Variants in SLC5A4 observed in about 807,000 individuals in gnomAD.
SLC5A4 encodes solute carrier family 5 member 4, also known as probable glucose sensor protein SLC5A4.
In SLC5A4, 55 loss-of-function variants were observed where a neutral mutation model predicts 70.3. The ratio of observed to expected loss-of-function variants is 0.78; its 90% CI spans 0.63 to 0.98. The LOEUF (loss-of-function observed/expected upper bound fraction) is 0.98. SLC5A4 is among the 50% of genes least tolerant of loss of function. The pLI is 0.00. For synonymous variants in SLC5A4, 268 were observed against 305.7 expected, an observed-to-expected ratio of 0.88 and a Z score of 1.29; for missense variants, 735 against 839.2, an observed-to-expected ratio of 0.88 and a Z score of 1.53.
the SLC5A4 span, among the ~76,000 whole-genome samples, chr22:32,290,800 C>T: frequency 6.6e-6 from 1 of 152,094 alleles, no homozygotes; most frequent in Admixed American, 6.5e-5. Flanking sequence ...GGCAAAAAGG[C>T]CCAGAAAGTC....
the SLC5A4 span, among the ~76,000 whole-genome samples, chr22:32,265,798 C>A: frequency 3.3e-5 from 5 of 152,174 alleles, no homozygotes; most frequent in East Asian, 7.7e-4. Flanking sequence ...CGAGATCATG[C>A]CACTGCACTC....
upstream of SLC5A4, among the ~76,000 whole-genome samples, chr22:32,257,433 C>A (rs1927543412): frequency 1.3e-5 from 2 of 152,126 alleles, no homozygotes; most frequent in African/African-American, 4.8e-5. Context: ...TGGCTCAGTG[C>A]AGCCTCAACC....
the SLC5A4 span, among the ~76,000 whole-genome samples, chr22:32,308,327 C>A: frequency 6.7e-6 from 1 of 148,606 alleles, no homozygotes; most frequent in Non-Finnish European, 1.5e-5. Context: ...GAATGGCAGT[C>A]TCTGATAGAC....
the SLC5A4 span, among the ~76,000 whole-genome samples, chr22:32,345,903 T>C: frequency 6.6e-6 from 1 of 152,224 alleles, no homozygotes; most frequent in Admixed American, 6.5e-5. Context: ...TTTAAAGCAA[T>C]CACAATCATC....
At chr22:32,229,131 C>G (rs1277052356) in intron 11 of SLC5A4, 63 bp downstream of exon 11, 1 of 1,470,042 alleles carries the variant, frequency 6.8e-7, no homozygotes, top group Non-Finnish European at 9.3e-7. Flanking sequence ...CAAGGGAACT[C>G]TAGTTCACTT....
the SLC5A4 span, among the ~76,000 whole-genome samples, chr22:32,309,760 C>A: frequency 6.6e-6 from 1 of 152,254 alleles, no homozygotes; most frequent in Admixed American, 6.5e-5. Flanking sequence ...CCTGGCACCC[C>A]ACCTCACACA....
the SLC5A4 span, among the ~76,000 whole-genome samples, chr22:32,330,922 GCCTCTGGTGTGTATGTGTT>G: frequency 1.8e-5 from 2 of 108,952 alleles, no homozygotes; most frequent in Non-Finnish European, 1.8e-5. Context: ...TGTGTTGGAG[GCCTCTGGTGTGTATGTGTT>G]GGAGGCTCTG....
the SLC5A4 span, among the ~76,000 whole-genome samples, chr22:32,354,289 C>G: frequency 2.7e-5 from 4 of 149,500 alleles, no homozygotes; most frequent in African/African-American, 9.9e-5. Flanking sequence ...GCCCTCAACA[C>G]CCCCCTCCCT....
the SLC5A4 span, among the ~76,000 whole-genome samples, chr22:32,349,392 T>C: frequency 1.3e-5 from 2 of 152,228 alleles, no homozygotes; most frequent in African/African-American, 4.8e-5. Context: ...TAAAGTCAAC[T>C]CTTTCTAGCA....
chr22:32,316,393 G>A, the SLC5A4 span, among the ~76,000 whole-genome samples: 1 of 152,288 alleles, frequency 6.6e-6, no homozygotes, highest in Non-Finnish European at 1.5e-5. Flanking sequence ...AGGGCACTGT[G>A]TGAGGGTGAA....
the SLC5A4 span, among the ~76,000 whole-genome samples, chr22:32,334,680 T>C: frequency 1.5e-4 from 23 of 152,288 alleles, no homozygotes; most frequent in East Asian, 4.2e-3. Context: ...CGAAGCTCCC[T>C]CCCTCTTGGA....
the SLC5A4 span, among the ~76,000 whole-genome samples, chr22:32,306,452 C>G: frequency 2.1e-3 from 269 of 127,502 alleles, no homozygotes; most frequent in African/African-American, 8.5e-3. Context: ...GGCGACAGAG[C>G]AAGACTCGGT....
the SLC5A4 span, among the ~76,000 whole-genome samples, chr22:32,274,328 C>A: frequency 1.3e-5 from 2 of 152,200 alleles, no homozygotes; most frequent in African/African-American, 4.8e-5. Flanking sequence ...GCATGAGCCA[C>A]TGCGCCCGGC....
At chr22:32,305,633 C>T in the SLC5A4 span, among the ~76,000 whole-genome samples, 4 of 148,104 alleles carry the variant, frequency 2.7e-5, no homozygotes, top group Admixed American at 1.4e-4. Flanking sequence ...CCTTCTCCTG[C>T]TGGCGGGTGG....
At chr22:32,257,659 C>CTTTTTTTT (rs58908133), upstream of SLC5A4, among the ~76,000 whole-genome samples, 8,676 of 141,680 alleles carry the variant, frequency 0.061, 314 homozygotes, top group South Asian at 0.1. Flanking sequence ...GCAAGGTTTT[C>CTTTTTTTT]TTTTTTTTTT....
intron 10 of SLC5A4, 151 bp downstream of exon 10, chr22:32,230,817 G>C: frequency 1.7e-6 from 1 of 588,606 alleles, no homozygotes; most frequent in East Asian, 2.8e-5. Flanking sequence ...TTCAGGCCTA[G>C]CACAGAGCTG....
At chr22:32,271,269 T>TG in the SLC5A4 span, 1 of 766,040 alleles carries the variant, frequency 1.3e-6, no homozygotes, top group Admixed American at 2.0e-5. Context: ...ACAGCTCCTT[T>TG]GGAGAGCCCA....
the SLC5A4 span, among the ~76,000 whole-genome samples, chr22:32,283,896 G>A: frequency 6.6e-5 from 10 of 152,192 alleles, 1 homozygote; most frequent in African/African-American, 1.7e-4. Context: ...ATATGGAATG[G>A]CCATGCTGTG....
At chr22:32,338,647 C>T in the SLC5A4 span, among the ~76,000 whole-genome samples, 11 of 152,118 alleles carry the variant, frequency 7.2e-5, no homozygotes, top group Non-Finnish European at 1.2e-4. Context: ...CCAGCCTGGG[C>T]GACAGAATGA....
Sources: gnomAD v4.1 joint callset for allele counts (sites outside exome capture counted in the v4.1 genomes callset) on GRCh38, gnomAD v4.1.1 for gene constraint, MANE v1.5 for transcripts, NCBI Gene and HGNC (gene_info 2026-07-23, HGNC 2026-07-21) for gene names.